Variants in RANBP2 observed in about 807,000 individuals in gnomAD.
The protein encoded by RANBP2 is RAN binding protein 2, also known as E3 SUMO-protein ligase RanBP2.
RANBP2 carries 57 observed loss-of-function variants against 303.6 expected under a neutral mutation model. The ratio of observed to expected loss-of-function variants is 0.19; its 90% CI spans 0.15 to 0.23. The LOEUF is 0.23. Among genes scored for constraint, RANBP2 ranks in the 10% least tolerant of loss-of-function variants. The probability of loss-of-function intolerance (pLI) is 1.00; values close to 1 mark genes in which losing one functional copy is unlikely to be tolerated. For missense variants in RANBP2, 3,138 were observed against 3,780.8 expected (o/e 0.83, Z 4.46); for synonymous variants, 1,167 against 1,301.5 (o/e 0.90, Z 2.23).
At chr2:109,427,292 G>T in the RANBP2 span, among the ~76,000 whole-genome samples, 1 of 151,422 alleles carries the variant, frequency 6.6e-6, no homozygotes, top group Non-Finnish European at 1.5e-5. Flanking sequence ...CTTAATTAAG[G>T]TACTTACATT....
At chr2:109,453,432 C>A in the RANBP2 span, among the ~76,000 whole-genome samples, 2 of 152,180 alleles carry the variant, frequency 1.3e-5, no homozygotes, top group Admixed American at 1.3e-4. Context: ...TGTGTCCATC[C>A]GTGACAGTTT....
the RANBP2 span, among the ~76,000 whole-genome samples, chr2:109,034,605 G>C: frequency 1.3e-5 from 2 of 152,220 alleles, no homozygotes; most frequent in African/African-American, 4.8e-5. Flanking sequence ...TTTTACACCT[G>C]GCTCAGGCCA....
the RANBP2 span, among the ~76,000 whole-genome samples, chr2:109,068,920 A>G: frequency 6.6e-6 from 1 of 152,228 alleles, no homozygotes; most frequent in Non-Finnish European, 1.5e-5. Flanking sequence ...AATTGATTTT[A>G]CCATGGCTGA....
At chr2:108,846,882 C>T in the RANBP2 span, 8 of 1,613,020 alleles carry the variant, frequency 5.0e-6, no homozygotes, top group Admixed American at 1.3e-4. Flanking sequence ...CTCCAATTTG[C>T]CATTGAGATT....
the RANBP2 span, among the ~76,000 whole-genome samples, chr2:109,462,462 T>C: frequency 6.6e-6 from 1 of 152,166 alleles, no homozygotes; most frequent in African/African-American, 2.4e-5. Context: ...ATGATAATCC[T>C]CTGTCATTCT....
the RANBP2 span, among the ~76,000 whole-genome samples, chr2:109,694,801 ATGTG>A: frequency 0.27 from 39,383 of 146,054 alleles, 6,086 homozygotes; most frequent in Non-Finnish European, 0.36. Flanking sequence ...ATCCATAGGG[ATGTG>A]TGTGTGTGTG....
At chr2:109,134,333 A>G in the RANBP2 span, among the ~76,000 whole-genome samples, 1 of 152,186 alleles carries the variant, frequency 6.6e-6, no homozygotes, top group African/African-American at 2.4e-5. Context: ...TCCAGAGGAA[A>G]AGGCTGGCAC....
At chr2:109,435,563 G>T in the RANBP2 span, among the ~76,000 whole-genome samples, 1 of 152,208 alleles carries the variant, frequency 6.6e-6, no homozygotes, top group Non-Finnish European at 1.5e-5. Context: ...CCTGGTGTGG[G>T]AGCAGGTATG....
At chr2:108,728,268 A>G (rs1917931) in intron 1 of RANBP2, among the ~76,000 whole-genome samples, 10 of 152,042 alleles carry the variant, frequency 6.6e-5, no homozygotes, top group East Asian at 1.9e-4. Flanking sequence ...TGCTTGTCTT[A>G]CTTTCTTGAA....
At chr2:108,998,071 C>T in the RANBP2 span, among the ~76,000 whole-genome samples, 39 of 152,020 alleles carry the variant, frequency 2.6e-4, no homozygotes, top group African/African-American at 7.0e-4. Context: ...TTCAGTCTAC[C>T]GGAACTGTTG....
the RANBP2 span, among the ~76,000 whole-genome samples, chr2:109,562,050 C>T: frequency 4.0e-5 from 6 of 151,634 alleles, 1 homozygote; most frequent in African/African-American, 1.5e-4. Context: ...GTCTCTACTA[C>T]AAAAACACAA....
chr2:109,677,319 C>T, the RANBP2 span, among the ~76,000 whole-genome samples: 9 of 152,254 alleles, frequency 5.9e-5, no homozygotes, highest in Admixed American at 2.0e-4. Flanking sequence ...GTGTCCTGCC[C>T]GACGTTTCTC....
chr2:109,349,880 T>C, the RANBP2 span, among the ~76,000 whole-genome samples: 1 of 152,252 alleles, frequency 6.6e-6, no homozygotes, highest in Non-Finnish European at 1.5e-5. Flanking sequence ...TAGAGCCCAC[T>C]GGACAAGAGG....
chr2:109,118,885 G>A, the RANBP2 span, among the ~76,000 whole-genome samples: 1 of 152,202 alleles, frequency 6.6e-6, no homozygotes, highest in African/African-American at 2.4e-5. Context: ...GAGGGGGTGA[G>A]GCTGGCAGTT....
At chr2:109,670,610 A>G in the RANBP2 span, among the ~76,000 whole-genome samples, 1 of 152,046 alleles carries the variant, frequency 6.6e-6, no homozygotes, top group Non-Finnish European at 1.5e-5. Flanking sequence ...CCCAGACTCC[A>G]AACTCTAGAG....
chr2:109,120,541 G>T, the RANBP2 span, among the ~76,000 whole-genome samples: 1 of 152,070 alleles, frequency 6.6e-6, no homozygotes, highest in Admixed American at 6.6e-5. Flanking sequence ...CTTCTTGGAT[G>T]AGTGGGCACC....
intron 6 of RANBP2, among the ~76,000 whole-genome samples, chr2:108,738,964 T>C (rs826570): frequency 0.26 from 39,679 of 151,928 alleles, 5,585 homozygotes; most frequent in African/African-American, 0.36. Flanking sequence ...TAATTATTTT[T>C]CAACAGCAAA....
chr2:109,259,144 G>A, the RANBP2 span, among the ~76,000 whole-genome samples: 2 of 152,216 alleles, frequency 1.3e-5, no homozygotes, highest in African/African-American at 4.8e-5. Flanking sequence ...CATGCCACGC[G>A]GCTTGTGGCT....
chr2:108,848,484 G>A, the RANBP2 span, among the ~76,000 whole-genome samples: 1 of 152,210 alleles, frequency 6.6e-6, no homozygotes, highest in South Asian at 2.1e-4. Context: ...GGATGAATAG[G>A]TTGATGAAGA....
Sources: gnomAD v4.1 joint callset for allele counts (sites outside exome capture counted in the v4.1 genomes callset) on GRCh38, gnomAD v4.1.1 for gene constraint, MANE v1.5 for transcripts, NCBI Gene and HGNC (gene_info 2026-07-23, HGNC 2026-07-21) for gene names.